Variants in TSGA10 observed in about 807,000 individuals in gnomAD.
TSGA10 encodes testis specific 10, also known as testis-specific gene 10 protein.
A neutral mutation model predicts 96.6 loss-of-function variants in TSGA10; 43 were observed. That is an observed-to-expected ratio of 0.44 (90% CI 0.35 to 0.57). The LOEUF (loss-of-function observed/expected upper bound fraction) is 0.57. TSGA10 is among the 20% of genes least tolerant of loss of function. The pLI is 0.01. For missense variants in TSGA10, 703 were observed against 834.4 expected, an observed-to-expected ratio of 0.84 and a Z score of 1.94; for synonymous variants, 229 against 269.9, an observed-to-expected ratio of 0.85 and a Z score of 1.48.
chr2:99,013,102 T>C (rs1276135331), intron 20 of TSGA10, among the ~76,000 whole-genome samples: 1 of 152,120 alleles, frequency 6.6e-6, no homozygotes, highest in Non-Finnish European at 1.5e-5. Context: ...TCTAGTTCCT[T>C]CAGGTGTGAC....
chr2:99,018,343 C>T lies in TSGA10; in HGVS notation c.1929G>A (p.Arg643=). ...QLGTERFERE[R]AVQELRRQNY... is the part of the protein sequence containing the mutation. ...TTTGGCGGCGAAGTTCTTGTACGGC[C>T]CTCTCCCTAAAGCAAAATAGTGATG... The change falls in exon 20 of 21, where the codon AGG becomes AGA. Residue 643 remains arginine (R), a synonymous_variant. Coordinates refer to ENST00000393483, the MANE Select transcript of TSGA10 (RefSeq NM_025244.4). The T allele has an allele frequency of 6.2e-7, 1 of 1,613,864 alleles. No individual in the cohort carries two copies. The highest frequency in any genetic ancestry group is 8.5e-7 in the Non-Finnish European group (1 of 1,179,918).
intron 1 of TSGA10, chr2:99,150,370 C>CA (rs1259343699): frequency 1.7e-6 from 1 of 589,394 alleles, no homozygotes; most frequent in Admixed American, 3.5e-5. Flanking sequence ...AGGTAGGAGG[C>CA]AATTTTACTT....
At chr2:99,016,576 T>C (rs964838697) in intron 20 of TSGA10, among the ~76,000 whole-genome samples, 1 of 152,166 alleles carries the variant, frequency 6.6e-6, no homozygotes, top group Non-Finnish European at 1.5e-5. Context: ...TTCTGAACTT[T>C]GGCTTAGGCA....
intron 13 of TSGA10, 102 bp from the exon 14 acceptor site, chr2:99,071,976 G>T: frequency 1.9e-6 from 2 of 1,059,300 alleles, no homozygotes; most frequent in Non-Finnish European, 1.4e-6. Flanking sequence ...GAAAACATTT[G>T]AAGAGATTTT....
At chr2:99,123,457 TCTC>T (rs1412868819) in intron 2 of TSGA10, among the ~76,000 whole-genome samples, 1 of 152,214 alleles carries the variant, frequency 6.6e-6, no homozygotes, top group African/African-American at 2.4e-5. Flanking sequence ...GATTCATTCC[TCTC>T]CTCCATTCTA....
intron 20 of TSGA10, among the ~76,000 whole-genome samples, chr2:99,010,362 G>T (rs1336090126): frequency 6.6e-6 from 1 of 152,156 alleles, no homozygotes; most frequent in Non-Finnish European, 1.5e-5. Context: ...CATATCCTTC[G>T]AAAGAAGTGG....
intron 4 of TSGA10, chr2:99,117,243 A>C (rs184903118): frequency 6.6e-6 from 1 of 152,370 alleles, no homozygotes; most frequent in Admixed American, 6.5e-5. Flanking sequence ...GTTTGTAGAT[A>C]TCTCTGCAGA....
intron 10 of TSGA10, among the ~76,000 whole-genome samples, chr2:99,086,043 T>C (rs150731884): frequency 0.011 from 1,631 of 152,226 alleles, 9 homozygotes; most frequent in Middle Eastern, 0.027. Context: ...AGCAATCCAA[T>C]GGGGAAAGGA....
chr2:99,107,265 G>C (rs1034106337), intron 7 of TSGA10, among the ~76,000 whole-genome samples: 13 of 152,038 alleles, frequency 8.6e-5, no homozygotes, highest in Admixed American at 8.5e-4. Context: ...GTCCCTTAAT[G>C]CCTTATATGT....
chr2:99,148,354 A>C (rs2093653250), intron 1 of TSGA10: 1 of 152,222 alleles, frequency 6.6e-6, no homozygotes, highest in African/African-American at 2.4e-5. Context: ...CAAATCTAAA[A>C]ATCAAATATA....
At chr2:99,071,565 G>T in intron 14 of TSGA10, 141 bp downstream of exon 14, 2 of 650,770 alleles carry the variant, frequency 3.1e-6, no homozygotes, top group Non-Finnish European at 5.0e-6. Context: ...AAAATTATGT[G>T]GCCTATTTTG....
At chr2:99,147,887 CAAGGACATTGACTT>C (rs1475254993) in intron 1 of TSGA10, among the ~76,000 whole-genome samples, 1 of 152,156 alleles carries the variant, frequency 6.6e-6, no homozygotes, top group Non-Finnish European at 1.5e-5. Flanking sequence ...TTCCTAAGAA[CAAGGACATTGACTT>C]ATATAACCAC....
chr2:99,077,681 C>G (rs923860852), intron 12 of TSGA10, among the ~76,000 whole-genome samples: 1 of 152,058 alleles, frequency 6.6e-6, no homozygotes, highest in African/African-American at 2.4e-5. Context: ...CCTGACTCAG[C>G]CTCCTGAGGA....
At chr2:99,140,899 G>A (rs1386246055) in intron 1 of TSGA10, among the ~76,000 whole-genome samples, 1 of 151,998 alleles carries the variant, frequency 6.6e-6, no homozygotes, top group African/African-American at 2.4e-5. Flanking sequence ...AACTCGTGCT[G>A]CCGAGCTTCC....
chr2:99,139,674 G>A (rs1469519866), intron 1 of TSGA10, among the ~76,000 whole-genome samples: 11 of 152,056 alleles, frequency 7.2e-5, no homozygotes. Flanking sequence ...GAAACAATCA[G>A]CAAACTAAAT....
At chr2:99,087,179 G>A (rs2104647705) in intron 10 of TSGA10, among the ~76,000 whole-genome samples, 1 of 147,722 alleles carries the variant, frequency 6.8e-6, no homozygotes, top group East Asian at 2.0e-4. Flanking sequence ...ACTCCAGCCT[G>A]GGCGACAGTG....
intron 1 of TSGA10, among the ~76,000 whole-genome samples, chr2:99,152,882 TA>T (rs2093707111): frequency 6.6e-6 from 1 of 152,240 alleles, no homozygotes. Context: ...CTTTTAGACT[TA>T]CCAGGTTTAC....
chr2:99,011,725 C>T (rs1439648190), intron 20 of TSGA10, among the ~76,000 whole-genome samples: 1 of 152,102 alleles, frequency 6.6e-6, no homozygotes, highest in East Asian at 1.9e-4. Flanking sequence ...CATGTGAGCA[C>T]ATGAGCCACC....
rs985961299 is a variant in TSGA10 at position 99,004,588 on chromosome 2, C to T, written c.2073-6367G>A. Among the ~76,000 whole-genome samples the T allele has an allele frequency of 6.6e-5, 10 of 151,986 alleles. 1 individual carries two copies. Among genetic ancestry groups the T allele is most frequent in the Admixed American group, 3.3e-4 (5 of 15,246 alleles). On this transcript the variant is annotated intron_variant, in intron 20 of 20. Transcript: ENST00000393483. Reference sequence around the variant, plus strand: ...ACACATACACGCTCTCAAGACTAAACCAGGAAGAAGTTGAATCTCTGAATA... The same window carrying T: ...ACACATACACGCTCTCAAGACTAAATCAGGAAGAAGTTGAATCTCTGAATA...
Sources: allele counts gnomAD v4.1 joint callset (sites outside exome capture counted in the v4.1 genomes callset), GRCh38; gene constraint gnomAD v4.1.1; transcripts MANE v1.5; gene names NCBI Gene and HGNC (gene_info 2026-07-23, HGNC 2026-07-21).